PEAK3: variants seen among roughly 807,000 people sequenced by gnomAD.
PEAK3 encodes protein PEAK3.
In PEAK3, 15 loss-of-function variants were observed where a neutral mutation model predicts 13.3. The observed-to-expected ratio is 1.13, with a 90% confidence interval of 0.75 to 1.73. The LOEUF (loss-of-function observed/expected upper bound fraction) is 1.73. PEAK3 is among the 40% of genes most tolerant of loss of function. The probability of loss-of-function intolerance (pLI) is 0.00; values close to 1 mark genes in which losing one functional copy is unlikely to be tolerated. For missense variants in PEAK3, 739 were observed against 690.2 expected, an observed-to-expected ratio of 1.07 and a Z score of -0.79; for synonymous variants, 347 against 341.9, an observed-to-expected ratio of 1.01 and a Z score of -0.17.
At position 2,276,209 on chromosome 19, in the gene PEAK3, C is replaced by T. The variant is rs777348610; in HGVS notation, c.893G>A (p.Trp298Ter). The T allele has an allele frequency of 5.7e-6, 9 of 1,567,802 alleles. No individual in the cohort carries two copies. In the South Asian group the frequency reaches 9.3e-5, roughly 16 times the overall value. ...CCGCAACTCGACTAGGGCCGCGCCC[C>T]ACGCCTCCAGGAACTTCAGGGCCGC... Reference protein sequence around the residue: ...LSAALKFLEAWGAALVELRPE... With the variant: ...LSAALKFLEA Residue 298 changes from tryptophan to a stop codon, truncating the protein, a stop_gained, in exon 4 of 4, where the codon TGG becomes TAG. Coordinates refer to ENST00000342063, the MANE Select transcript of PEAK3 (RefSeq NM_198532.3). LOFTEE classifies it low-confidence loss of function (END_TRUNC).
At position 2,276,271 on chromosome 19, in the gene PEAK3, G is replaced by A. The variant is rs1436487421; in HGVS notation, c.831C>T (p.Phe277=). ...AEACTQPPEE[F]VWAVALLLLQ... ...GCAGCAGCAGGGCCACAGCCCACAC[G>A]AACTCCTCCGGCGGCTGCGTGCAGG... The change falls in exon 4 of 4, where the codon TTC becomes TTT. Residue 277 remains phenylalanine, a synonymous_variant. Coordinates refer to ENST00000342063, the MANE Select transcript of PEAK3 (RefSeq NM_198532.3). The A allele has an allele frequency of 6.3e-7, 1 of 1,592,560 alleles. No individual in the cohort carries two copies.
At chr19:2,280,397 AT>A (rs985621149) in intron 2 of PEAK3, among the ~76,000 whole-genome samples, 1 of 150,502 alleles carries the variant, frequency 6.6e-6, no homozygotes, top group African/African-American at 2.5e-5. Context: ...AATGGTATAT[AT>A]TTTTTTCTAT....
chr19:2,280,419 A>C (rs910725399), intron 2 of PEAK3, among the ~76,000 whole-genome samples: 1 of 151,756 alleles, frequency 6.6e-6, no homozygotes, highest in African/African-American at 2.4e-5. Context: ...TTCATGGCTC[A>C]CTGCAGCCTT....
chr19:2,276,615 C>A, intron 3 of PEAK3, 126 bp from the exon 4 acceptor site: 1 of 728,704 alleles, frequency 1.4e-6, no homozygotes, highest in South Asian at 2.1e-5. Context: ...CGGCTAGGGG[C>A]TGCCTGCATC....
rs1568409313 is a variant in PEAK3 at position 2,280,873 on chromosome 19, G to A, written c.59C>T (p.Thr20Ile). The change falls in exon 2 of 4, where the codon ACT (threonine) becomes ATT (isoleucine). Residue 20 changes from threonine to isoleucine, a missense_variant. Transcript: ENST00000342063. ...ACCAAGGTTGCTATACGTGGGCTGA[G>A]TCGACCAGGTGGGGTTGTCGGGCTC... ...PPEPDNPTWS[T>I]QPTYSNLGQI... The A allele has an allele frequency of 6.2e-7, 1 of 1,606,164 alleles. No individual in the cohort carries two copies. The highest frequency in any genetic ancestry group is 8.5e-7 in the Non-Finnish European group (1 of 1,176,252).
At position 2,282,079 on chromosome 19, in the gene PEAK3, C is replaced by G. The variant is rs1367576235; in HGVS notation, c.-5+8G>C. 6.5e-6 allele frequency: 1 copy of G among 152,814 alleles called. No homozygotes were observed. 9.5% of individuals were successfully genotyped at this position (152,814 alleles called of 1,614,324 possible). On this transcript the variant is annotated splice_region_variant and intron_variant, in intron 1 of 3. Transcript: ENST00000342063. ...TCTGTCCAGCTCCCCGCTCCAGGAG[C>G]CCCCTACCTTCAAGACTGGCGTGCC... is the stretch of plus-strand genomic sequence containing the variant.
intron 3 of PEAK3, among the ~76,000 whole-genome samples, chr19:2,276,959 C>G (rs2025396047): frequency 6.6e-6 from 1 of 152,036 alleles, no homozygotes. Flanking sequence ...TTGCAGTGAG[C>G]CGAGAACGCG....
At chr19:2,281,392 A>G (rs1187702512) in intron 1 of PEAK3, among the ~76,000 whole-genome samples, 110 of 49,916 alleles carry the variant, frequency 2.2e-3, no homozygotes, top group Admixed American at 3.3e-3. Context: ...TGGGTTTCCT[A>G]CTCTCTCTGG....
intron 3 of PEAK3, among the ~76,000 whole-genome samples, chr19:2,277,932 C>T (rs570601126): frequency 1.1e-3 from 158 of 147,336 alleles, no homozygotes; most frequent in Middle Eastern, 3.7e-3. Flanking sequence ...GGTGCGTTCT[C>T]GGCTCACCGC....
chr19:2,280,757 TCCTGCCGCTCCCTGCACCCA>T (rs202241723), intron 2 of PEAK3, 73 bp downstream of exon 2: 91,196 of 1,039,454 alleles, frequency 0.088, 5,895 homozygotes, highest in African/African-American at 0.31. Context: ...CCCGGCAACC[TCCTGCCGCTCCCTGCACCCA>T]CCTGCCGCTC....
In PEAK3 at chr19:2,280,764, G is replaced by A. The variant is rs535290401; in HGVS notation, c.82+86C>T. 2.5e-4 allele frequency: 235 copies of A among 935,928 alleles called. 1 individual carries two copies. The African/African-American group carries it at 3.6e-3, about 14-fold the overall frequency. The allele number at this position is 935,928 out of a possible 1,614,324, so 58.0% of individuals were successfully genotyped here. On this transcript the variant is annotated intron_variant, in intron 2 of 3. Transcript: ENST00000342063. ...CCATGGTGCCCGGCAACCTCCTGCC[G>A]CTCCCTGCACCCACCTGCCGCTCCC...
At chr19:2,278,255 C>T (rs573756443) in intron 3 of PEAK3, among the ~76,000 whole-genome samples, 17 of 151,670 alleles carry the variant, frequency 1.1e-4, no homozygotes, top group Non-Finnish European at 2.5e-4. Context: ...ACCTCTGCCT[C>T]CCGGGTTCAA....
At chr19:2,280,660 C>T (rs976962946) in intron 2 of PEAK3, among the ~76,000 whole-genome samples, 190 bp downstream of exon 2, 3 of 152,162 alleles carry the variant, frequency 2.0e-5, no homozygotes, top group Non-Finnish European at 2.9e-5. Flanking sequence ...CACCAACCCA[C>T]AGGTTATTTT....
rs2025444088 is a variant in PEAK3, at chr19:2,282,156, T to A, written c.-74A>T. The A allele has an allele frequency of 6.6e-6, 1 of 152,392 alleles. No homozygotes were observed. Among genetic ancestry groups the A allele is most frequent in the Non-Finnish European group, 1.5e-5 (1 of 68,174 alleles). The allele number at this position is 152,392 out of a possible 1,614,324, so 9.4% of individuals were successfully genotyped here. A position where few individuals can be genotyped will look rare whatever the true frequency, so the allele number is the denominator to read the frequency against. Reference sequence around the variant, plus strand: ...ACAAACTCCCAATGGCCACAGCCCCTGGCCTCGCAGGAGGGGTCTGACCTG... The same window carrying A: ...ACAAACTCCCAATGGCCACAGCCCCAGGCCTCGCAGGAGGGGTCTGACCTG... On this transcript the variant is annotated 5_prime_UTR_variant, in exon 1 of 4. Coordinates refer to ENST00000342063, the MANE Select transcript of PEAK3 (RefSeq NM_198532.3).
At position 2,278,796 on chromosome 19, in the gene PEAK3, C is replaced by T; in HGVS notation, c.400G>A (p.Val134Met). ...SLRDLHSPEA[V>M]HTALAARQLQ... is the part of the protein sequence containing the mutation. Reference sequence around the variant, plus strand: ...TGCCGCGCAGCCAGTGCAGTGTGCACAGCCTCCGGGCTGTGCAGATCGCGG... The same window carrying T: ...TGCCGCGCAGCCAGTGCAGTGTGCATAGCCTCCGGGCTGTGCAGATCGCGG... The change falls in exon 3 of 4, where the codon GTG becomes ATG. Residue 134 changes from valine (V) to methionine (M), a missense_variant. By Grantham distance (21) the Val-to-Met change is conservative. Transcript: ENST00000342063. 1 of 1,585,768 alleles carries T rather than the reference C, an allele frequency of 6.3e-7. No homozygotes were observed. The highest frequency in any genetic ancestry group is 8.6e-7 in the Non-Finnish European group (1 of 1,165,976).
Position 2,275,677 on chromosome 19 carries a change from G to C in PEAK3, c.*3C>G, listed in dbSNP as rs760432005. ...GACCAGGTGTGTTCGCCCTGGGTTGGGGTCAGTCCCACAGCAGCGCCAGGG... is the reference window on the plus strand; with the variant it reads ...GACCAGGTGTGTTCGCCCTGGGTTGCGGTCAGTCCCACAGCAGCGCCAGGG... On this transcript the variant is annotated 3_prime_UTR_variant, in exon 4 of 4. Transcript: ENST00000342063. The C allele has an allele frequency of 1.4e-6, 2 of 1,463,088 alleles. No homozygotes were observed. Among genetic ancestry groups the C allele is most frequent in the South Asian group, 2.9e-5 (2 of 70,016 alleles). The allele number at this position is 1,463,088 out of a possible 1,614,324, so 90.6% of individuals were successfully genotyped here.
Position 2,276,307 on chromosome 19 carries a change from C to T in PEAK3, c.795G>A (p.Trp265Ter), listed in dbSNP as rs943107928. 3.8e-6 allele frequency: 6 copies of T among 1,597,606 alleles called. No homozygotes were observed. In the African/African-American group the frequency reaches 8.0e-5, roughly 21 times the overall value. The change falls in exon 4 of 4, where the codon TGG becomes TGA. Residue 265 changes from tryptophan (W) to a stop codon, truncating the protein, a stop_gained. Coordinates refer to ENST00000342063, the MANE Select transcript of PEAK3 (RefSeq NM_198532.3). LOFTEE classifies it low-confidence loss of function (END_TRUNC). The part of the protein sequence containing the change: ...AEVPERTVAQ[W>*]LAEACTQPPE... ...GCGGCTGCGTGCAGGCCTCCGCCAG[C>T]CACTGCGCCACCGTGCGCTCTGGAA...
chr19:2,276,501 A>AG lies in PEAK3; in HGVS notation c.613-13dup, dbSNP rs969520102. 9 of 1,500,368 alleles carry AG rather than the reference A, an allele frequency of 6.0e-6. No individual in the cohort carries two copies. In the African/African-American group the frequency reaches 1.1e-4, roughly 19 times the overall value. The allele number at this position is 1,500,368 out of a possible 1,614,324, so 92.9% of individuals were successfully genotyped here. ...CCGGGCTTGGGCACCTGCAAGGCAGAGGGGGTGTCGGGGCCTGGATCACTG... is the reference window on the plus strand; with the variant it reads ...CCGGGCTTGGGCACCTGCAAGGCAGAGGGGGGTGTCGGGGCCTGGATCACTG... On this transcript the variant is annotated splice_polypyrimidine_tract_variant and intron_variant, in intron 3 of 3. Transcript: ENST00000342063.
chr19:2,277,053 G>A (rs78591906), intron 3 of PEAK3, among the ~76,000 whole-genome samples: 2,756 of 152,144 alleles, frequency 0.018, 186 homozygotes, highest in East Asian at 0.16. Context: ...GCAGATCCCC[G>A]GCCAGAGAGG....
Sources: gnomAD v4.1 joint callset for allele counts (sites outside exome capture counted in the v4.1 genomes callset) on GRCh38, gnomAD v4.1.1 for gene constraint, MANE v1.5 for transcripts, NCBI Gene and HGNC (gene_info 2026-07-23, HGNC 2026-07-21) for gene names.